The following SYT1 variants were observed in gnomAD, a reference collection of about 807,000 sequenced individuals.
SYT1 encodes the protein synaptotagmin 1.
Under a neutral mutation model 44.8 loss-of-function variants are expected in SYT1, and 8 were observed. The observed-to-expected ratio is 0.18, with a 90% CI of 0.10 to 0.32. SYT1 has a LOEUF of 0.32. Among genes scored for constraint, SYT1 ranks in the 10% least tolerant of loss-of-function variants. SYT1 has a pLI of 1.00. For missense variants in SYT1, 286 were observed against 509.3 expected (o/e 0.56, Z 4.22); for synonymous variants, 154 against 188.8 (o/e 0.82, Z 1.51).
In SYT1 at chr12:79,292,233, G is replaced by C. The variant is rs1393860588; in HGVS notation, c.474+103G>C. On this transcript the variant is annotated intron_variant, in intron 6 of 10. Transcript: ENST00000261205. ...TTAAAATATTTTGTTTGCTGTGAGG[G>C]GAAAATGCAATTATCAAAGCTATGG... 4.4e-5 allele frequency: 60 copies of C among 1,356,514 alleles called. No homozygotes were observed. In the Admixed American group the frequency reaches 1.5e-3, roughly 33 times the overall value. 84.0% of individuals were successfully genotyped at this position (1,356,514 alleles called of 1,614,324 possible).
intron 1 of SYT1, among the ~76,000 whole-genome samples, chr12:78,939,724 T>A (rs188024107): frequency 1.3e-5 from 2 of 152,304 alleles, no homozygotes; most frequent in Admixed American, 1.3e-4. Flanking sequence ...GTAACCAGTG[T>A]TCAAAAAGAG....
intron 3 of SYT1, among the ~76,000 whole-genome samples, chr12:79,202,649 G>A (rs1443903213): frequency 6.6e-6 from 1 of 152,078 alleles, no homozygotes; most frequent in East Asian, 1.9e-4. Flanking sequence ...AGTCCTCCAA[G>A]TCCCCCGGAT....
At chr12:79,419,567 A>G (rs1017956515) in intron 9 of SYT1, among the ~76,000 whole-genome samples, 2 of 152,186 alleles carry the variant, frequency 1.3e-5, no homozygotes, top group East Asian at 1.9e-4. Context: ...TGCTTTATCT[A>G]CATGGCAAGT....
chr12:79,152,639 G>T lies in SYT1; in HGVS notation c.-17-64864G>T, dbSNP rs182599625. On this transcript the variant is annotated intron_variant, in intron 3 of 10. Coordinates refer to ENST00000261205, the MANE Select transcript of SYT1 (RefSeq NM_005639.3). The stretch of plus-strand genomic sequence containing the variant: ...CTATTCTATGAGAAATTGTGTGGAG[G>T]TATCTCTATAAAATGAGAAAGGAAT... Among the ~76,000 whole-genome samples the T allele has an allele frequency of 1.4e-4, 21 of 152,102 alleles. No homozygotes were observed. The East Asian group carries it at 3.7e-3, about 27-fold the overall frequency.
intron 1 of SYT1, among the ~76,000 whole-genome samples, chr12:78,957,819 G>T (rs1427434262): frequency 6.6e-6 from 1 of 151,964 alleles, no homozygotes; most frequent in Admixed American, 6.6e-5. Context: ...AGTAAATAAA[G>T]AAATCCTACA....
intron 3 of SYT1, among the ~76,000 whole-genome samples, chr12:79,203,504 C>T (rs1028577237): frequency 6.6e-6 from 1 of 152,170 alleles, no homozygotes; most frequent in African/African-American, 2.4e-5. Context: ...TCCAAATTGA[C>T]TCATATGCCC....
intron 10 of SYT1, among the ~76,000 whole-genome samples, chr12:79,446,252 A>T (rs1870731987): frequency 6.6e-6 from 1 of 151,770 alleles, no homozygotes; most frequent in Admixed American, 6.6e-5. Context: ...ACATAGGAAC[A>T]CACAGTAAAT....
At chr12:78,956,828 T>C (rs1879242397) in intron 1 of SYT1, among the ~76,000 whole-genome samples, 1 of 152,126 alleles carries the variant, frequency 6.6e-6, no homozygotes, top group African/African-American at 2.4e-5. Flanking sequence ...CCTGGGAATT[T>C]AAATGTACTC....
chr12:79,193,090 C>A (rs1873227558), intron 3 of SYT1, among the ~76,000 whole-genome samples: 1 of 152,058 alleles, frequency 6.6e-6, no homozygotes, highest in Admixed American at 6.6e-5. Flanking sequence ...CTTAACTTTC[C>A]AACAAACTTC....
intron 9 of SYT1, among the ~76,000 whole-genome samples, chr12:79,403,683 G>A (rs1355963053): frequency 6.6e-6 from 1 of 152,134 alleles, no homozygotes; most frequent in East Asian, 1.9e-4. Flanking sequence ...ACAGAGACAT[G>A]GGGAGGTTGA....
chr12:78,981,209 C>T (rs753115843), intron 2 of SYT1, among the ~76,000 whole-genome samples: 3 of 147,788 alleles, frequency 2.0e-5, no homozygotes, highest in Non-Finnish European at 4.5e-5. Context: ...CTCACTGCAA[C>T]CTCCAACTCC....
intron 1 of SYT1, among the ~76,000 whole-genome samples, chr12:78,876,821 ATATTATATGTAT>A (rs1874141219): frequency 3.3e-5 from 2 of 60,712 alleles, no homozygotes; most frequent in African/African-American, 1.4e-4. Flanking sequence ...TACATATCAT[ATATTATATGTAT>A]TATATATAAT....
intron 1 of SYT1, among the ~76,000 whole-genome samples, chr12:78,873,375 A>G (rs2137038895): frequency 6.6e-6 from 1 of 151,858 alleles, no homozygotes; most frequent in South Asian, 2.1e-4. Context: ...AATAAGAAAG[A>G]TTTGATATAC....
chr12:79,001,145 C>T (rs993034038), intron 2 of SYT1, among the ~76,000 whole-genome samples: 1 of 151,956 alleles, frequency 6.6e-6, no homozygotes, highest in Admixed American at 6.6e-5. Context: ...TTTAAACTTT[C>T]AGTAGCTAAA....
intron 3 of SYT1, among the ~76,000 whole-genome samples, chr12:79,111,507 A>C (rs549021279): frequency 1.9e-4 from 29 of 152,148 alleles, no homozygotes; most frequent in African/African-American, 5.3e-4. Flanking sequence ...AAATTATAAT[A>C]AGTTATAACA....
At chr12:79,172,013 C>A (rs1383857161) in intron 3 of SYT1, among the ~76,000 whole-genome samples, 1 of 151,936 alleles carries the variant, frequency 6.6e-6, no homozygotes, top group Non-Finnish European at 1.5e-5. Context: ...ACTACTATAT[C>A]ATGCAAATCT....
chr12:79,296,620 T>C (rs1245259445), intron 7 of SYT1, among the ~76,000 whole-genome samples: 1 of 152,232 alleles, frequency 6.6e-6, no homozygotes, highest in Admixed American at 6.5e-5. Flanking sequence ...GTCCCAATGC[T>C]TAAATGGTAC....
intron 7 of SYT1, among the ~76,000 whole-genome samples, chr12:79,296,629 ACAAAT>A (rs1194264539): frequency 6.6e-6 from 1 of 152,246 alleles, no homozygotes; most frequent in African/African-American, 2.4e-5. Context: ...CTTAAATGGT[ACAAAT>A]AGACATGACT....
intron 1 of SYT1, among the ~76,000 whole-genome samples, chr12:78,957,037 A>G (rs1879251053): frequency 1.3e-5 from 2 of 152,168 alleles, no homozygotes; most frequent in African/African-American, 4.8e-5. Context: ...TCAGAAAAAG[A>G]TTTGCTGTTG....
Sources: gnomAD v4.1 joint callset for allele counts (sites outside exome capture counted in the v4.1 genomes callset) on GRCh38, gnomAD v4.1.1 for gene constraint, MANE v1.5 for transcripts, NCBI Gene and HGNC (gene_info 2026-07-23, HGNC 2026-07-21) for gene names.